CIRSR: variants seen among roughly 807,000 people sequenced by gnomAD.
The protein encoded by CIRSR is corepressor of RBPJ and splicing regulator.
the CIRSR span, among the ~76,000 whole-genome samples, chr2:174,378,054 T>C: frequency 1.3e-5 from 2 of 152,134 alleles, no homozygotes; most frequent in Non-Finnish European, 2.9e-5. Context: ...ATCACAGGCC[T>C]TGGTGGCCTG....
chr2:174,380,320 G>A, the CIRSR span: 1 of 1,119,264 alleles, frequency 8.9e-7, no homozygotes, highest in South Asian at 1.5e-5. Context: ...CAGTTAATCA[G>A]AAAAATAGTT....
chr2:174,357,396 T>C, the CIRSR span, among the ~76,000 whole-genome samples: 1 of 152,194 alleles, frequency 6.6e-6, no homozygotes. Context: ...TTCTGGTTAA[T>C]TAAAACATGT....
chr2:174,381,851 C>A, the CIRSR span: 1 of 982,312 alleles, frequency 1.0e-6, no homozygotes, highest in South Asian at 1.6e-5. Flanking sequence ...CCACTCCCCA[C>A]CAAAAAGCCT....
chr2:174,386,690 C>T, the CIRSR span, among the ~76,000 whole-genome samples: 34 of 152,118 alleles, frequency 2.2e-4, no homozygotes, highest in South Asian at 1.0e-3. Flanking sequence ...GCAGGGAGGG[C>T]GCAAAAAACG....
chr2:174,349,007 C>T, the CIRSR span: 4 of 1,598,414 alleles, frequency 2.5e-6, no homozygotes, highest in Non-Finnish European at 2.6e-6. Context: ...TATTGTTACT[C>T]TCACTCTCAC....
chr2:174,392,156 C>G, the CIRSR span, among the ~76,000 whole-genome samples: 2 of 152,196 alleles, frequency 1.3e-5, no homozygotes, highest in Admixed American at 1.3e-4. Flanking sequence ...CGCCACCACA[C>G]CCAGCTAATT....
the CIRSR span, among the ~76,000 whole-genome samples, chr2:174,352,489 G>A: frequency 2.0e-5 from 3 of 152,076 alleles, no homozygotes; most frequent in South Asian, 2.1e-4. Flanking sequence ...TGACTCATGC[G>A]TGTAATCCCA....
At chr2:174,350,497 T>C in the CIRSR span, among the ~76,000 whole-genome samples, 1 of 152,174 alleles carries the variant, frequency 6.6e-6, no homozygotes, top group African/African-American at 2.4e-5. Flanking sequence ...TCCATGTTAC[T>C]GAAAAGACAG....
chr2:174,350,244 G>A, the CIRSR span, among the ~76,000 whole-genome samples: 2 of 152,106 alleles, frequency 1.3e-5, no homozygotes, highest in Admixed American at 1.3e-4. Context: ...TAATTCAGAG[G>A]TAGTCTGTTT....
the CIRSR span, chr2:174,395,655 G>C: frequency 1.2e-6 from 2 of 1,614,162 alleles, no homozygotes; most frequent in Admixed American, 1.7e-5. Context: ...GCAGGGGCTA[G>C]ATCTGTTAGC....
chr2:174,395,694 G>T, the CIRSR span: 1 of 1,612,754 alleles, frequency 6.2e-7, no homozygotes, highest in Non-Finnish European at 8.5e-7. Flanking sequence ...CGCCTAACCG[G>T]AACTGCGTTT....
chr2:174,351,638 G>C, the CIRSR span: 1 of 1,613,194 alleles, frequency 6.2e-7, no homozygotes, highest in South Asian at 1.1e-5. Context: ...ATCATTTGCG[G>C]TCAAGTTTCT....
the CIRSR span, among the ~76,000 whole-genome samples, chr2:174,386,212 G>A: frequency 0.18 from 28,055 of 151,960 alleles, 2,862 homozygotes; most frequent in Non-Finnish European, 0.23. Flanking sequence ...ACGGAGTTTC[G>A]CTCTTGTTGG....
chr2:174,351,872 T>C, the CIRSR span: 2 of 513,102 alleles, frequency 3.9e-6, no homozygotes, highest in Admixed American at 4.1e-5. Context: ...TAATCAGATA[T>C]GATTTTCTAA....
At chr2:174,377,173 T>A in the CIRSR span, among the ~76,000 whole-genome samples, 2 of 152,124 alleles carry the variant, frequency 1.3e-5, no homozygotes, top group African/African-American at 4.8e-5. Flanking sequence ...AAAGAAAAGA[T>A]AAGATGCAAC....
At chr2:174,350,854 T>C in the CIRSR span, 9 of 770,110 alleles carry the variant, frequency 1.2e-5, no homozygotes, top group South Asian at 2.3e-5. Context: ...ACACTGTAGA[T>C]GAATATGATA....
At chr2:174,380,579 A>G in the CIRSR span, 1 of 1,377,414 alleles carries the variant, frequency 7.3e-7, no homozygotes, top group Middle Eastern at 2.6e-4. Context: ...TGAAAAAGCA[A>G]CATAAGATGG....
chr2:174,350,110 T>C, the CIRSR span, among the ~76,000 whole-genome samples: 1 of 152,188 alleles, frequency 6.6e-6, no homozygotes, highest in Admixed American at 6.5e-5. Context: ...CTTGTTTATA[T>C]GGTATGTTTG....
At chr2:174,379,589 T>G in the CIRSR span, among the ~76,000 whole-genome samples, 3 of 152,194 alleles carry the variant, frequency 2.0e-5, no homozygotes, top group African/African-American at 4.8e-5. Flanking sequence ...CTGATGATAG[T>G]CTGTCCCGAT....
Sources: gnomAD v4.1 joint callset for allele counts (sites outside exome capture counted in the v4.1 genomes callset) on GRCh38, gnomAD v4.1.1 for gene constraint, MANE v1.5 for transcripts, NCBI Gene and HGNC (gene_info 2026-07-23, HGNC 2026-07-21) for gene names.